Variants in RBMS3 observed in about 807,000 individuals in gnomAD.
RBMS3 encodes RNA binding motif single stranded interacting protein 3, also known as RNA-binding motif, single-stranded-interacting protein 3.
A neutral mutation model predicts 66.8 loss-of-function variants in RBMS3; 27 were observed. The observed-to-expected ratio is 0.40, with a 90% CI of 0.30 to 0.56. The LOEUF (loss-of-function observed/expected upper bound fraction) is 0.56. Among genes scored for constraint, RBMS3 ranks in the 20% least tolerant of loss-of-function variants. The pLI is 0.40. For synonymous variants in RBMS3, 188 were observed against 183.0 expected (o/e 1.03, Z -0.22); for missense variants, 513 against 549.5 (o/e 0.93, Z 0.66).
intron 6 of RBMS3, among the ~76,000 whole-genome samples, chr3:29,845,509 T>C (rs2058755915): frequency 6.6e-6 from 1 of 152,224 alleles, no homozygotes; most frequent in Non-Finnish European, 1.5e-5. Flanking sequence ...TATAACAGTG[T>C]TGAGATTTCC....
intron 3 of RBMS3, among the ~76,000 whole-genome samples, chr3:29,523,589 T>C (rs553468697): frequency 2.6e-4 from 40 of 152,238 alleles, no homozygotes; most frequent in Middle Eastern, 3.4e-3. Flanking sequence ...ATACTTCTCA[T>C]TGATAGGAAC....
intron 2 of RBMS3, among the ~76,000 whole-genome samples, chr3:29,484,478 A>C (rs894684966): frequency 1.3e-5 from 2 of 152,148 alleles, no homozygotes; most frequent in African/African-American, 4.8e-5. Flanking sequence ...GGCCTATCGT[A>C]TAACCTTATT....
chr3:29,743,437 G>A (rs1187582881), intron 5 of RBMS3, among the ~76,000 whole-genome samples: 1 of 152,202 alleles, frequency 6.6e-6, no homozygotes, highest in Admixed American at 6.5e-5. Flanking sequence ...GGTTCTCAAA[G>A]TGTGGTTCCC....
intron 10 of RBMS3, among the ~76,000 whole-genome samples, chr3:29,932,989 A>G (rs1425369913): frequency 6.6e-6 from 1 of 152,138 alleles, no homozygotes; most frequent in Non-Finnish European, 1.5e-5. Flanking sequence ...TGTATTTTTT[A>G]GTGGAATTAT....
chr3:29,486,043 TCTA>T (rs1284941794), intron 2 of RBMS3, among the ~76,000 whole-genome samples: 1 of 152,192 alleles, frequency 6.6e-6, no homozygotes, highest in Non-Finnish European at 1.5e-5. Context: ...TTCATTCTAA[TCTA>T]CTAGTATACT....
intron 10 of RBMS3, among the ~76,000 whole-genome samples, chr3:29,903,506 C>G (rs993499113): frequency 1.2e-4 from 19 of 152,060 alleles, no homozygotes; most frequent in Middle Eastern, 3.4e-3. Flanking sequence ...CACCAAATAC[C>G]TACTCTACAG....
intron 3 of RBMS3, among the ~76,000 whole-genome samples, chr3:29,498,106 T>C (rs1484542492): frequency 6.9e-6 from 1 of 144,012 alleles, no homozygotes; most frequent in Non-Finnish European, 1.5e-5. Context: ...ACGATTCTCC[T>C]GCCTCAGCCT....
At chr3:29,477,337 T>G (rs1190152948) in intron 2 of RBMS3, among the ~76,000 whole-genome samples, 1 of 152,166 alleles carries the variant, frequency 6.6e-6, no homozygotes, top group East Asian at 1.9e-4. Context: ...CATACTTGAC[T>G]CCCATAGCCA....
At chr3:29,592,084 C>A (rs1349115745) in intron 4 of RBMS3, among the ~76,000 whole-genome samples, 1 of 146,176 alleles carries the variant, frequency 6.8e-6, no homozygotes, top group African/African-American at 2.6e-5. Flanking sequence ...CAGTAGTTGT[C>A]TTCGAAAAAA....
chr3:29,495,545 A>G (rs2043715247), intron 3 of RBMS3, among the ~76,000 whole-genome samples: 1 of 150,110 alleles, frequency 6.7e-6, no homozygotes, highest in Non-Finnish European at 1.5e-5. Context: ...CCTCCCGAGT[A>G]GCTGGGATTA....
intron 8 of RBMS3, among the ~76,000 whole-genome samples, chr3:29,885,784 G>A (rs2059855543): frequency 1.3e-5 from 2 of 151,688 alleles, no homozygotes; most frequent in Admixed American, 1.3e-4. Context: ...CCTATCTAGA[G>A]TATGTATTAT....
At chr3:29,778,918 C>A (rs956835860) in intron 6 of RBMS3, among the ~76,000 whole-genome samples, 1 of 151,824 alleles carries the variant, frequency 6.6e-6, no homozygotes, top group Admixed American at 6.6e-5. Flanking sequence ...GAGAAAATAT[C>A]AGCAAGAAAT....
chr3:29,739,988 A>AT, intron 5 of RBMS3, 111 bp downstream of exon 5: 1 of 937,328 alleles, frequency 1.1e-6, no homozygotes, highest in East Asian at 2.8e-5. Flanking sequence ...AAAAAAAAAA[A>AT]AATTAAAAGT....
intron 6 of RBMS3, among the ~76,000 whole-genome samples, chr3:29,861,583 C>CA (rs2059218357): frequency 6.6e-6 from 1 of 152,160 alleles, no homozygotes; most frequent in Admixed American, 6.5e-5. Flanking sequence ...TATTAAAGAA[C>CA]ATTTTAGTGA....
intron 3 of RBMS3, among the ~76,000 whole-genome samples, chr3:29,540,107 G>A (rs1242980369): frequency 6.6e-6 from 1 of 152,076 alleles, no homozygotes; most frequent in Non-Finnish European, 1.5e-5. Context: ...TAATGTCTAA[G>A]TTTTATGTTT....
intron 14 of RBMS3, among the ~76,000 whole-genome samples, chr3:29,992,735 ACTG>A (rs1698968746): frequency 6.6e-6 from 1 of 152,190 alleles, no homozygotes; most frequent in South Asian, 2.1e-4. Flanking sequence ...GTGGGGAATT[ACTG>A]CTAACCTAAA....
intron 11 of RBMS3, among the ~76,000 whole-genome samples, chr3:29,940,162 C>G (rs1277685638): frequency 6.6e-6 from 1 of 151,908 alleles, no homozygotes; most frequent in African/African-American, 2.4e-5. Flanking sequence ...TCTGGAGTCT[C>G]TGCCCTGGGA....
intron 5 of RBMS3, among the ~76,000 whole-genome samples, chr3:29,753,351 A>G (rs1018609557): frequency 2.0e-5 from 3 of 152,216 alleles, no homozygotes; most frequent in Admixed American, 2.0e-4. Context: ...AATGCACCTC[A>G]CTGCATACAT....
intron 4 of RBMS3, among the ~76,000 whole-genome samples, chr3:29,728,328 C>A (rs578077258): frequency 2.4e-4 from 36 of 152,256 alleles, no homozygotes; most frequent in Middle Eastern, 3.4e-3. Flanking sequence ...ACCTATGTAA[C>A]AAACCTGCAC....
Sources: gnomAD v4.1 joint callset for allele counts (sites outside exome capture counted in the v4.1 genomes callset) on GRCh38, gnomAD v4.1.1 for gene constraint, MANE v1.5 for transcripts, NCBI Gene and HGNC (gene_info 2026-07-23, HGNC 2026-07-21) for gene names.